The following TMPO variants were observed in gnomAD, a reference collection of about 807,000 sequenced individuals.
TMPO encodes the protein LEM domain containing 4.
TMPO carries 22 observed loss-of-function variants against 45.4 expected under a neutral mutation model. The ratio of observed to expected loss-of-function variants is 0.48; its 90% CI spans 0.35 to 0.69. TMPO has a LOEUF of 0.69. TMPO is among the 30% of genes least tolerant of loss of function. The probability of loss-of-function intolerance (pLI) is 0.01; values close to 1 mark genes in which losing one functional copy is unlikely to be tolerated. For missense variants in TMPO, 512 were observed against 548.8 expected (o/e 0.93, Z 0.67); for synonymous variants, 241 against 204.1 (o/e 1.18, Z -1.54).
intron 1 of TMPO, among the ~76,000 whole-genome samples, chr12:98,519,777 T>C (rs1432152363): frequency 2.0e-5 from 3 of 152,162 alleles, no homozygotes; most frequent in Admixed American, 6.5e-5. Flanking sequence ...GTCTGTTCGA[T>C]GTTTTTATCA....
intron 3 of TMPO, chr12:98,534,349 T>G: frequency 5.6e-6 from 9 of 1,611,020 alleles, no homozygotes; most frequent in Non-Finnish European, 7.6e-6. Flanking sequence ...CTAGTAAAAT[T>G]AAGGACAAAA....
intron 1 of TMPO, among the ~76,000 whole-genome samples, chr12:98,518,183 T>C (rs921040498): frequency 2.6e-5 from 4 of 152,014 alleles, no homozygotes; most frequent in Admixed American, 1.3e-4. Flanking sequence ...GAAAATAATA[T>C]TTAAATCAGC....
Position 98,548,147 on chromosome 12 carries a change from A to G in TMPO, c.*289A>G. On this transcript the variant is annotated 3_prime_UTR_variant, in exon 9 of 9. Transcript: ENST00000556029. ...TGTGGGCATCTTATTTCATTTTTGA[A>G]AAAATGTATATGTTTTTTGTGTATT... 3.4e-6 allele frequency: 1 copy of G among 295,922 alleles called. No homozygotes were observed. Among genetic ancestry groups the G allele is most frequent in the Non-Finnish European group, 6.3e-6 (1 of 159,344 alleles). The allele number at this position is 295,922 out of a possible 1,614,324, so 18.3% of individuals were successfully genotyped here. A position where few individuals can be genotyped will look rare whatever the true frequency, so the allele number is the denominator to read the frequency against.
At position 98,524,541 on chromosome 12, in the gene TMPO, C is replaced by T. The variant is rs145188369; in HGVS notation, c.280-3345C>T. ...CAAGGCAAGATGGCGCTACTGCACT[C>T]CAGCCTGGGCGAGAGAGTTAAGAGA... is the stretch of plus-strand genomic sequence containing the variant. On this transcript the variant is annotated intron_variant, in intron 1 of 8. Transcript: ENST00000556029. 4.0e-5 allele frequency among the ~76,000 whole-genome samples: 6 copies of T among 151,822 alleles called. No homozygotes were observed. In the East Asian group the frequency reaches 1.2e-3, roughly 29 times the overall value.
chr12:98,539,094 G>A (rs1206017514), intron 4 of TMPO, among the ~76,000 whole-genome samples: 7 of 152,002 alleles, frequency 4.6e-5, no homozygotes, highest in South Asian at 4.2e-4. Flanking sequence ...TAGCTACTCC[G>A]GAGGCTGAGG....
intron 3 of TMPO, chr12:98,532,234 A>G (rs1877244198): frequency 1.1e-5 from 2 of 174,554 alleles, no homozygotes; most frequent in South Asian, 2.5e-4. Flanking sequence ...TGTCTAATAC[A>G]TGGTATTATT....
intron 4 of TMPO, among the ~76,000 whole-genome samples, chr12:98,542,395 A>G (rs552091784): frequency 2.0e-5 from 3 of 149,706 alleles, no homozygotes; most frequent in African/African-American, 7.4e-5. Context: ...GAAATTATCT[A>G]TTCCCAGACC....
chr12:98,516,122 C>T lies in TMPO; in HGVS notation c.255C>T (p.Gly85=), dbSNP rs770363692. The part of the protein sequence containing the change: ...PVLGSGAAAA[G]RSRAAVGRKA... ...TCGGCTCTGGGGCCGCCGCCGCGGG[C>T]CGGAGCCGAGCAGCCGTCGGCAGGG... Residue 85 remains glycine, a synonymous_variant, in exon 1 of 9, where the codon GGC becomes GGT. Coordinates refer to ENST00000556029, the MANE Select transcript of TMPO (RefSeq NM_001032283.3). 4 of 1,504,470 alleles carry T rather than the reference C, an allele frequency of 2.7e-6. No homozygotes were observed. The highest frequency in any genetic ancestry group is 3.5e-6 in the Non-Finnish European group (4 of 1,136,774). 93.2% of individuals were successfully genotyped at this position (1,504,470 alleles called of 1,614,324 possible). A position where few individuals can be genotyped will look rare whatever the true frequency, so the allele number is the denominator to read the frequency against.
intron 1 of TMPO, among the ~76,000 whole-genome samples, chr12:98,518,916 C>G (rs1016627976): frequency 6.6e-6 from 1 of 151,386 alleles, no homozygotes; most frequent in African/African-American, 2.4e-5. Context: ...GAGTCTTGCT[C>G]TGTCGCCCAG....
chr12:98,535,028 T>C (rs529953967), intron 3 of TMPO: 2 of 793,306 alleles, frequency 2.5e-6, no homozygotes, highest in East Asian at 2.5e-4. Context: ...AAGCAATGTA[T>C]TGATTTACAC....
At chr12:98,516,762 G>C (rs912195205) in intron 1 of TMPO, among the ~76,000 whole-genome samples, 2 of 152,180 alleles carry the variant, frequency 1.3e-5, no homozygotes, top group Non-Finnish European at 2.9e-5. Context: ...GAATTAAAAG[G>C]AGCATTTTAA....
chr12:98,523,801 G>A (rs903068998), intron 1 of TMPO, among the ~76,000 whole-genome samples: 1 of 152,010 alleles, frequency 6.6e-6, no homozygotes, highest in Non-Finnish European at 1.5e-5. Flanking sequence ...TCAGCCTGCC[G>A]AGTAGCTAGG....
At chr12:98,546,939 C>G (rs1878260428) in intron 8 of TMPO, among the ~76,000 whole-genome samples, 2 of 152,238 alleles carry the variant, frequency 1.3e-5, no homozygotes, top group African/African-American at 4.8e-5. Context: ...TAATTTTTAA[C>G]TGAAAGAAAC....
At position 98,532,952 on chromosome 12, in the gene TMPO, C is replaced by T. The variant is rs754944353; in HGVS notation, c.565+1114C>T. The T allele has an allele frequency of 3.1e-6, 5 of 1,614,128 alleles. No individual in the cohort carries two copies. In the South Asian group the frequency reaches 5.5e-5, roughly 18 times the overall value. ...TTTCCTGAAATCTCCACCCGTCCTC[C>T]TTTGGGCAGTACCGAACTACAGGCA... On this transcript the variant is annotated intron_variant, in intron 3 of 8. Coordinates refer to ENST00000556029, the MANE Select transcript of TMPO (RefSeq NM_001032283.3).
At chr12:98,527,576 T>A in intron 1 of TMPO, 1 of 235,944 alleles carries the variant, frequency 4.2e-6, no homozygotes, top group Non-Finnish European at 8.2e-6. Context: ...CCAAAGTCAG[T>A]TTTACTTTTA....
At chr12:98,528,422 G>A (rs912894175) in intron 2 of TMPO, among the ~76,000 whole-genome samples, 5 of 151,746 alleles carry the variant, frequency 3.3e-5, no homozygotes, top group East Asian at 1.9e-4. Context: ...GACTACAGGC[G>A]CCCGCTGCCA....
rs1344714832 is a variant in TMPO, at chr12:98,549,215, ATTATTTTTTATTTTT to A, written c.*1369_*1383del. 1 of 152,098 alleles carries A rather than the reference ATTATTTTTTATTTTT, an allele frequency of 6.6e-6. No individual in the cohort carries two copies. Among genetic ancestry groups the A allele is most frequent in the Non-Finnish European group, 1.5e-5 (1 of 68,006 alleles). The allele number at this position is 152,098 out of a possible 1,614,324, so 9.4% of individuals were successfully genotyped here. A position where few individuals can be genotyped will look rare whatever the true frequency, so the allele number is the denominator to read the frequency against. ...ATACTCTTAAGAGGTGGGCATTATG[ATTATTTTTTATTTTT>A]TTATTTTTTATGAGATGGAGTCTCA... On this transcript the variant is annotated 3_prime_UTR_variant, in exon 9 of 9. Coordinates refer to ENST00000556029, the MANE Select transcript of TMPO (RefSeq NM_001032283.3).
At chr12:98,519,960 T>G (rs187127806) in intron 1 of TMPO, among the ~76,000 whole-genome samples, 157 of 152,208 alleles carry the variant, frequency 1.0e-3, no homozygotes, top group African/African-American at 3.6e-3. Flanking sequence ...TTCTTTCTTT[T>G]TTTCTTTTTC....
chr12:98,519,627 A>G lies in TMPO; in HGVS notation c.279+3481A>G, dbSNP rs887728531. 3.3e-5 allele frequency among the ~76,000 whole-genome samples: 5 copies of G among 152,118 alleles called. No homozygotes were observed. In the South Asian group the frequency reaches 1.0e-3, roughly 32 times the overall value. ...ATAATTACAGGTTTAAATGTCTTCT[A>G]CCTGGAGTATTTAAAACTCAAGAGG... On this transcript the variant is annotated intron_variant, in intron 1 of 8. Transcript: ENST00000556029.
Sources: gnomAD v4.1 joint callset for allele counts (sites outside exome capture counted in the v4.1 genomes callset) on GRCh38, gnomAD v4.1.1 for gene constraint, MANE v1.5 for transcripts, NCBI Gene and HGNC (gene_info 2026-07-23, HGNC 2026-07-21) for gene names.